NAMPT: variants seen among roughly 807,000 people sequenced by gnomAD.
The protein encoded by NAMPT is nicotinamide phosphoribosyltransferase.
A neutral mutation model predicts 58.7 loss-of-function variants in NAMPT; 7 were observed. The ratio of observed to expected loss-of-function variants is 0.12; its 90% CI spans 0.07 to 0.22. The LOEUF (loss-of-function observed/expected upper bound fraction) is 0.22, where lower values mean the gene tolerates loss of function less well. Ranked by LOEUF, NAMPT falls within the 10% of genes least tolerant of loss-of-function variation. The pLI, the probability that NAMPT is intolerant of heterozygous loss-of-function variation, is 1.00. For missense variants in NAMPT, 271 were observed against 567.9 expected (o/e 0.48, Z 5.31); for synonymous variants, 145 against 198.1 (o/e 0.73, Z 2.25).
intron 1 of NAMPT, among the ~76,000 whole-genome samples, chr7:106,278,647 G>A (rs765724396): frequency 5.9e-5 from 9 of 152,162 alleles, no homozygotes; most frequent in African/African-American, 9.7e-5. Flanking sequence ...ATTTATGAAT[G>A]AGTCTGTAGT....
intron 9 of NAMPT, 88 bp downstream of exon 9, chr7:106,254,276 C>A (rs1792155955): frequency 6.9e-7 from 1 of 1,452,736 alleles, no homozygotes; most frequent in Middle Eastern, 1.8e-4. Context: ...ACGGCCACAT[C>A]AATCTTTGAC....
chr7:106,253,070 C>T lies in NAMPT; in HGVS notation c.1312G>A (p.Gly438Arg). 6.2e-7 allele frequency: 1 copy of T among 1,613,412 alleles called. No homozygotes were observed. The highest frequency in any genetic ancestry group is 8.5e-7 in the Non-Finnish European group (1 of 1,179,502). Residue 438 changes from glycine to arginine, a missense_variant, in exon 10 of 11, where the codon GGG becomes AGG. Gly to Arg is a moderately radical substitution (Grantham distance 125). Transcript: ENST00000222553. The stretch of plus-strand genomic sequence containing the variant: ...CCTTCCTCCAGTGTAACAAAATTCC[C>T]TGCTGGCGTCCTATGTAAAGATAAT... ...GRLSLHRTPA[G>R]NFVTLEEGKG...
intron 4 of NAMPT, chr7:106,270,286 T>C (rs1792507680): frequency 2.4e-6 from 1 of 424,186 alleles, no homozygotes; most frequent in Non-Finnish European, 5.0e-6. Context: ...TTGAAGCAGC[T>C]TCAAATCTGT....
chr7:106,264,392 T>G (rs988632629), intron 6 of NAMPT, among the ~76,000 whole-genome samples: 6 of 152,098 alleles, frequency 3.9e-5, no homozygotes, highest in African/African-American at 1.4e-4. Flanking sequence ...GTATTCAATA[T>G]GTAATTATAG....
rs140872042 is a variant in NAMPT, at chr7:106,276,836, C to T, written c.214+187G>A. 1.6e-3 allele frequency: 801 copies of T among 510,754 alleles called. 5 individuals carry two copies. The highest frequency in any genetic ancestry group is 2.5e-3 in the Admixed American group (75 of 30,158). 31.6% of individuals were successfully genotyped at this position (510,754 alleles called of 1,614,324 possible). On this transcript the variant is annotated intron_variant, in intron 2 of 10. Transcript: ENST00000222553. The stretch of plus-strand genomic sequence containing the variant: ...CAGCCTGGCCAACAAGAGCGAAACT[C>T]GGTTTCCAAAAAAAAAAAAAAACCT...
intron 1 of NAMPT, among the ~76,000 whole-genome samples, chr7:106,281,440 T>G (rs1281994360): frequency 6.6e-6 from 1 of 152,126 alleles, no homozygotes; most frequent in Non-Finnish European, 1.5e-5. Context: ...TGCTAAAAAA[T>G]CACAAGTCAA....
At position 106,264,569 on chromosome 7, in the gene NAMPT, G is replaced by C. The variant is rs7778799; in HGVS notation, c.744-952C>G. 1.6e-3 allele frequency among the ~76,000 whole-genome samples: 249 copies of C among 152,046 alleles called. 6 individuals carry two copies. The highest frequency in any genetic ancestry group is 1.7e-3 in the Non-Finnish European group (116 of 67,874). On this transcript the variant is annotated intron_variant, in intron 6 of 10. Transcript: ENST00000222553. ...ATGCTCCAATGAGCATTTCCTTTGA[G>C]CAAAAAGTTTCAGATTTTGGAGCAT... is the stretch of plus-strand genomic sequence containing the variant.
chr7:106,285,273 G>T, upstream of NAMPT: 2 of 782,964 alleles, frequency 2.6e-6, no homozygotes, highest in Non-Finnish European at 3.2e-6. Context: ...GCTCTGGGAA[G>T]CTGGAGGCAG....
At chr7:106,285,070 C>A, upstream of NAMPT, 1 of 1,353,076 alleles carries the variant, frequency 7.4e-7, no homozygotes, top group Non-Finnish European at 9.6e-7. Flanking sequence ...TGACGCGGCG[C>A]GGGTGACGGC....
chr7:106,279,806 A>C (rs965275180), intron 1 of NAMPT, among the ~76,000 whole-genome samples: 12 of 152,340 alleles, frequency 7.9e-5, no homozygotes, highest in Admixed American at 7.2e-4. Context: ...TGAAAATGTA[A>C]GAGAATGATG....
intron 8 of NAMPT, 142 bp from the exon 9 acceptor site, chr7:106,254,646 T>C: frequency 1.0e-6 from 1 of 988,352 alleles, no homozygotes; most frequent in East Asian, 2.6e-5. Context: ...GCCCGCATTT[T>C]GTTTTTAAAG....
chr7:106,276,503 C>T (rs1792647361), intron 2 of NAMPT: 1 of 152,832 alleles, frequency 6.5e-6, no homozygotes, highest in Non-Finnish European at 1.5e-5. Flanking sequence ...GTATAACAAA[C>T]AAGATTAGCC....
intron 8 of NAMPT, among the ~76,000 whole-genome samples, chr7:106,260,006 T>G (rs1792275950): frequency 6.6e-6 from 1 of 151,406 alleles, no homozygotes; most frequent in African/African-American, 2.4e-5. Context: ...ACAGGCAGAG[T>G]AGATTCAGCA....
At position 106,284,915 on chromosome 7, in the gene NAMPT, C is replaced by T; in HGVS notation, c.-31G>A. 6.4e-7 allele frequency: 1 copy of T among 1,571,892 alleles called. No homozygotes were observed. Among genetic ancestry groups the T allele is most frequent in the Non-Finnish European group, 8.6e-7 (1 of 1,157,704 alleles). On this transcript the variant is annotated 5_prime_UTR_variant, in exon 1 of 11. Coordinates refer to ENST00000222553, the MANE Select transcript of NAMPT (RefSeq NM_005746.3). ...GCCGGAGGACAGGGGCCGCGCGCCG[C>T]GAGCTCCCTGGCGCGGCTGCGAGGA...
At chr7:106,253,194 C>G in intron 9 of NAMPT, 43 bp from the exon 10 acceptor site, 1 of 1,597,208 alleles carries the variant, frequency 6.3e-7, no homozygotes, top group Non-Finnish European at 8.5e-7. Flanking sequence ...GAAGACTAAT[C>G]ATCAGAAATG....
chr7:106,280,402 CA>C (rs35146347), intron 1 of NAMPT, among the ~76,000 whole-genome samples: 12 of 152,254 alleles, frequency 7.9e-5, no homozygotes, highest in African/African-American at 2.4e-4. Flanking sequence ...GTAACGCTAA[CA>C]AAAAGTTTCA....
At chr7:106,266,547 A>G (rs1381467444) in intron 6 of NAMPT, among the ~76,000 whole-genome samples, 1 of 152,198 alleles carries the variant, frequency 6.6e-6, no homozygotes, top group Admixed American at 6.5e-5. Context: ...TTACTAATAC[A>G]ATGCTCATAA....
chr7:106,277,901 A>T (rs1047372002), intron 1 of NAMPT, among the ~76,000 whole-genome samples: 1 of 152,230 alleles, frequency 6.6e-6, no homozygotes, highest in South Asian at 2.1e-4. Context: ...AAGAAAGAAA[A>T]AGTAAAAAGT....
At position 106,250,185 on chromosome 7, in the gene NAMPT, G is replaced by A. The variant is rs1455645983; in HGVS notation, c.*898C>T. On this transcript the variant is annotated 3_prime_UTR_variant, in exon 11 of 11. Coordinates refer to ENST00000222553, the MANE Select transcript of NAMPT (RefSeq NM_005746.3). ...GAATATGAAAAATAAATTCAGAAGT[G>A]TAATTACTTTAAAATACACTACTTC... The A allele has an allele frequency of 6.6e-6, 1 of 152,304 alleles. No individual in the cohort carries two copies. The highest frequency in any genetic ancestry group is 2.4e-5 in the African/African-American group (1 of 41,362). 9.4% of individuals were successfully genotyped at this position (152,304 alleles called of 1,614,324 possible). A position where few individuals can be genotyped will look rare whatever the true frequency, so the allele number is the denominator to read the frequency against.
Sources: allele counts gnomAD v4.1 joint callset (sites outside exome capture counted in the v4.1 genomes callset), GRCh38; gene constraint gnomAD v4.1.1; transcripts MANE v1.5; gene names NCBI Gene and HGNC (gene_info 2026-07-23, HGNC 2026-07-21).